PAG1: variants seen among roughly 807,000 people sequenced by gnomAD.
The protein encoded by PAG1 is phosphoprotein membrane anchor with glycosphingolipid microdomains 1, also known as phosphoprotein associated with glycosphingolipid-enriched microdomains 1.
PAG1 carries 23 observed loss-of-function variants against 31.7 expected under a neutral mutation model. The ratio of observed to expected loss-of-function variants is 0.73; its 90% CI spans 0.52 to 1.03. The LOEUF (loss-of-function observed/expected upper bound fraction) is 1.03, where lower values mean the gene tolerates loss of function less well. Among genes scored for constraint, PAG1 ranks in the 50% least tolerant of loss-of-function variants. The pLI, the probability that PAG1 is intolerant of heterozygous loss-of-function variation, is 0.00. For missense variants in PAG1, 473 were observed against 540.7 expected, an observed-to-expected ratio of 0.87 and a Z score of 1.24; for synonymous variants, 214 against 210.3, an observed-to-expected ratio of 1.02 and a Z score of -0.15.
chr8:81,034,416 C>T (rs981807499), intron 2 of PAG1, among the ~76,000 whole-genome samples: 1 of 152,220 alleles, frequency 6.6e-6, no homozygotes, highest in African/African-American at 2.4e-5. Context: ...ACCGGCTGCT[C>T]ATGACTGGCA....
chr8:81,075,918 G>A (rs1809169650), intron 1 of PAG1, among the ~76,000 whole-genome samples: 1 of 152,214 alleles, frequency 6.6e-6, no homozygotes, highest in Admixed American at 6.5e-5. Context: ...CTGATACAGA[G>A]ACCCTTGCTT....
At chr8:81,103,499 G>A (rs1167981453) in intron 1 of PAG1, among the ~76,000 whole-genome samples, 1 of 151,944 alleles carries the variant, frequency 6.6e-6, no homozygotes, top group Non-Finnish European at 1.5e-5. Flanking sequence ...TCTACCTTTA[G>A]GTCAAAATTA....
At chr8:81,064,597 C>A (rs1808973034) in intron 2 of PAG1, among the ~76,000 whole-genome samples, 1 of 152,106 alleles carries the variant, frequency 6.6e-6, no homozygotes, top group Admixed American at 6.5e-5. Context: ...AACACACAGA[C>A]CTTAACATAA....
intron 3 of PAG1, among the ~76,000 whole-genome samples, chr8:81,028,426 T>C (rs146821577): frequency 6.6e-6 from 1 of 152,332 alleles, no homozygotes; most frequent in African/African-American, 2.4e-5. Flanking sequence ...TAATTTTCAT[T>C]TGTACCAATG....
In PAG1 at chr8:80,981,864, T is replaced by C. The variant is rs1312202629; in HGVS notation, c.877-1370A>G. On this transcript the variant is annotated intron_variant, in intron 7 of 8. Coordinates refer to ENST00000220597, the MANE Select transcript of PAG1 (RefSeq NM_018440.4). ...CTACCTACTCATTATCTCACTTCCTTTTTTTTTTTTTTTTTTTTTTTGACA... is the reference window on the plus strand; with the variant it reads ...CTACCTACTCATTATCTCACTTCCTCTTTTTTTTTTTTTTTTTTTTTGACA... Among the ~76,000 whole-genome samples, 193 of 90,698 alleles carry C rather than the reference T, an allele frequency of 2.1e-3. 1 individual carries two copies. The highest frequency in any genetic ancestry group is 6.4e-3 in the African/African-American group (181 of 28,134). 59.5% of individuals were successfully genotyped at this position (90,698 alleles called of 152,430 possible).
chr8:81,000,550 C>A (rs1289152085), intron 3 of PAG1, among the ~76,000 whole-genome samples: 2 of 152,070 alleles, frequency 1.3e-5, no homozygotes, highest in African/African-American at 2.4e-5. Flanking sequence ...TAAGTGATTC[C>A]CTGCCTCAGC....
chr8:81,020,330 A>G (rs1186319355), intron 3 of PAG1, among the ~76,000 whole-genome samples: 1 of 152,160 alleles, frequency 6.6e-6, no homozygotes, highest in African/African-American at 2.4e-5. Flanking sequence ...GGCCAGGGGT[A>G]GAATGATATG....
At chr8:80,979,772 C>T (rs1351129337) in intron 8 of PAG1, among the ~76,000 whole-genome samples, 1 of 152,104 alleles carries the variant, frequency 6.6e-6, no homozygotes, top group Non-Finnish European at 1.5e-5. Context: ...CTGAGCATAG[C>T]TCAACATTTA....
chr8:81,110,984 G>A (rs1809764173), intron 1 of PAG1, among the ~76,000 whole-genome samples: 2 of 152,224 alleles, frequency 1.3e-5, no homozygotes, highest in Admixed American at 1.3e-4. Context: ...GTCATTATCT[G>A]AATCCTATTT....
intron 3 of PAG1, among the ~76,000 whole-genome samples, chr8:80,994,532 A>C (rs919217555): frequency 3.9e-5 from 6 of 152,170 alleles, no homozygotes; most frequent in African/African-American, 7.2e-5. Flanking sequence ...ATCCCAGCAG[A>C]GCGGTGACTT....
chr8:81,010,714 G>A (rs935764905), intron 3 of PAG1, among the ~76,000 whole-genome samples: 1 of 152,068 alleles, frequency 6.6e-6, no homozygotes, highest in Non-Finnish European at 1.5e-5. Context: ...TTGTTTAAAC[G>A]GACACAGTAC....
intron 2 of PAG1, among the ~76,000 whole-genome samples, chr8:81,049,501 A>T (rs893112068): frequency 6.6e-6 from 1 of 152,234 alleles, no homozygotes; most frequent in Non-Finnish European, 1.5e-5. Flanking sequence ...ACCTAAATAA[A>T]TATAGGGTTT....
chr8:81,025,055 A>G (rs1713251413), intron 3 of PAG1, among the ~76,000 whole-genome samples: 1 of 152,222 alleles, frequency 6.6e-6, no homozygotes, highest in Non-Finnish European at 1.5e-5. Context: ...TAAGGTCCCA[A>G]TAGCTATCAG....
rs1278041522 is a variant in PAG1 at position 80,972,998 on chromosome 8, T to C, written c.*3546A>G. The C allele has an allele frequency of 6.6e-6, 1 of 151,720 alleles. No homozygotes were observed. Among genetic ancestry groups the C allele is most frequent in the Non-Finnish European group, 1.5e-5 (1 of 67,956 alleles). The allele number at this position is 151,720 out of a possible 1,614,324, so 9.4% of individuals were successfully genotyped here. On this transcript the variant is annotated 3_prime_UTR_variant, in exon 9 of 9. Coordinates refer to ENST00000220597, the MANE Select transcript of PAG1 (RefSeq NM_018440.4). The stretch of plus-strand genomic sequence containing the variant: ...TTACTGGTTAAGTAAATGCTCTAAT[T>C]AGCAAAAATCATGAGAAATATATAC...
chr8:80,996,930 G>A (rs1461202577), intron 3 of PAG1, among the ~76,000 whole-genome samples: 1 of 150,150 alleles, frequency 6.7e-6, no homozygotes, highest in Non-Finnish European at 1.5e-5. Flanking sequence ...TGAACAGGAA[G>A]GTCCCTGTGG....
At chr8:80,996,051 C>A (rs990998095) in intron 3 of PAG1, among the ~76,000 whole-genome samples, 1 of 152,246 alleles carries the variant, frequency 6.6e-6, no homozygotes, top group Non-Finnish European at 1.5e-5. Context: ...ATTCTCACAG[C>A]GAACAGAATG....
chr8:80,995,437 T>C (rs61555962), intron 3 of PAG1, among the ~76,000 whole-genome samples: 20,071 of 152,248 alleles, frequency 0.13, 1,415 homozygotes, highest in Middle Eastern at 0.22. Flanking sequence ...ACCACTTCTG[T>C]GATTTGTTGA....
At position 81,052,452 on chromosome 8, in the gene PAG1, A is replaced by G. The variant is rs76789471; in HGVS notation, c.-175+17660T>C. Among the ~76,000 whole-genome samples, 759 of 151,070 alleles carry G rather than the reference A, an allele frequency of 5.0e-3. 6 individuals carry two copies. Among genetic ancestry groups the G allele is most frequent in the African/African-American group, 0.017 (708 of 40,824 alleles). ...ACTACTTACTTTTTTTCTTCTAAGT[A>G]TTTCAGCTATTTTGCAGACTGATGG... On this transcript the variant is annotated intron_variant, in intron 2 of 8. Coordinates refer to ENST00000220597, the MANE Select transcript of PAG1 (RefSeq NM_018440.4).
chr8:81,079,997 T>G lies in PAG1; in HGVS notation c.-233-9827A>C, dbSNP rs1809239819. ...CTTGCCCAGGCTTGTCTCAAACTCCTGGGCTCAAGTGATCCTCCCATCAAG... is the reference window on the plus strand; with the variant it reads ...CTTGCCCAGGCTTGTCTCAAACTCCGGGGCTCAAGTGATCCTCCCATCAAG... On this transcript the variant is annotated intron_variant, in intron 1 of 8. Coordinates refer to ENST00000220597, the MANE Select transcript of PAG1 (RefSeq NM_018440.4). 1.3e-5 allele frequency among the ~76,000 whole-genome samples: 2 copies of G among 152,058 alleles called. 1 individual carries two copies. The highest frequency in any genetic ancestry group is 4.1e-4 in the South Asian group (2 of 4,826).
Sources: gnomAD v4.1 joint callset for allele counts (sites outside exome capture counted in the v4.1 genomes callset) on GRCh38, gnomAD v4.1.1 for gene constraint, MANE v1.5 for transcripts, NCBI Gene and HGNC (gene_info 2026-07-23, HGNC 2026-07-21) for gene names.